The following NIM1K variants were observed in gnomAD, a reference collection of about 807,000 sequenced individuals.
NIM1K encodes NIM1 serine/threonine protein kinase, also known as serine/threonine-protein kinase NIM1.
A neutral mutation model predicts 37.1 loss-of-function variants in NIM1K; 35 were observed. That is an observed-to-expected ratio of 0.94 (90% CI 0.72 to 1.25). NIM1K has a LOEUF of 1.25. Ranked by LOEUF, NIM1K falls within the 50% of genes most tolerant of loss-of-function variation. The pLI, the probability that NIM1K is intolerant of heterozygous loss-of-function variation, is 0.00. For missense variants in NIM1K, 564 were observed against 548.0 expected, an observed-to-expected ratio of 1.03 and a Z score of -0.29; for synonymous variants, 234 against 206.6, an observed-to-expected ratio of 1.13 and a Z score of -1.14.
At chr5:43,197,862 G>A (rs946386746) in intron 1 of NIM1K, among the ~76,000 whole-genome samples, 4 of 152,182 alleles carry the variant, frequency 2.6e-5, no homozygotes, top group Non-Finnish European at 4.4e-5. Context: ...TGCCCCACTA[G>A]CTGTAGATTT....
At chr5:43,220,357 C>T (rs1752363851) in intron 1 of NIM1K, among the ~76,000 whole-genome samples, 1 of 149,022 alleles carries the variant, frequency 6.7e-6, no homozygotes, top group Admixed American at 6.7e-5. Context: ...ACCATCTCAG[C>T]ACACTGCAAC....
In NIM1K at chr5:43,230,440, C is replaced by A. The variant is rs762171700; in HGVS notation, c.-694-14642C>A. Among the ~76,000 whole-genome samples the A allele has an allele frequency of 2.6e-5, 4 of 151,960 alleles. No individual in the cohort carries two copies. In the South Asian group the frequency reaches 8.3e-4, roughly 32 times the overall value. ...TCACGTATGTCACTTGTGCTCACAG[C>A]CCATGACTGGAACTCAGATACATGG... On this transcript the variant is annotated intron_variant, in intron 1 of 3. Transcript: ENST00000326035.
chr5:43,277,278 G>T lies in NIM1K; in HGVS notation c.514G>T (p.Glu172Ter). The T allele has an allele frequency of 6.2e-7, 1 of 1,614,108 alleles. No homozygotes were observed. The highest frequency in any genetic ancestry group is 8.5e-7 in the Non-Finnish European group (1 of 1,179,998). ...CACTGAGGGGAAGCTCTCTGAACCA[G>T]AAAGCAAGCTCATCTTCTCCCAGAT... is the stretch of plus-strand genomic sequence containing the variant. ...ISTEGKLSEPESKLIFSQIVS... is the reference protein window; with the variant it reads ...ISTEGKLSEP Residue 172 changes from glutamate (E) to a stop codon, truncating the protein, a stop_gained, in exon 3 of 4, where the codon GAA becomes TAA. Transcript: ENST00000326035. LOFTEE classifies it high-confidence loss of function.
At chr5:43,217,403 G>A (rs772386586) in intron 1 of NIM1K, among the ~76,000 whole-genome samples, 1 of 147,332 alleles carries the variant, frequency 6.8e-6, no homozygotes, top group African/African-American at 2.5e-5. Context: ...CCACTTTTTG[G>A]CTACTATAAA....
At chr5:43,267,822 A>G (rs1753188018) in intron 2 of NIM1K, among the ~76,000 whole-genome samples, 1 of 152,188 alleles carries the variant, frequency 6.6e-6, no homozygotes, top group Non-Finnish European at 1.5e-5. Context: ...GATGCTTGAT[A>G]TGATTTTGAT....
intron 1 of NIM1K, among the ~76,000 whole-genome samples, chr5:43,239,578 GTA>G (rs1342600159): frequency 6.6e-6 from 1 of 151,926 alleles, no homozygotes; most frequent in Non-Finnish European, 1.5e-5. Context: ...CCAGGCTGGA[GTA>G]CAATGGCGCA....
intron 2 of NIM1K, among the ~76,000 whole-genome samples, chr5:43,274,697 C>T (rs969414835): frequency 4.6e-5 from 7 of 152,232 alleles, no homozygotes; most frequent in Non-Finnish European, 7.3e-5. Flanking sequence ...GCCCTCCCAC[C>T]GCTCAGTATT....
intron 1 of NIM1K, among the ~76,000 whole-genome samples, chr5:43,209,640 A>G (rs768461966): frequency 6.6e-6 from 1 of 151,744 alleles, no homozygotes; most frequent in Non-Finnish European, 1.5e-5. Flanking sequence ...TTTTTGAGAC[A>G]CAGAGTCTCG....
At chr5:43,192,889 T>C (rs937310118) in intron 1 of NIM1K, 1 of 152,186 alleles carries the variant, frequency 6.6e-6, no homozygotes, top group African/African-American at 2.4e-5. Flanking sequence ...GGAGCGTTTG[T>C]TACAAGGGCA....
At chr5:43,222,565 C>A (rs188921547) in intron 1 of NIM1K, among the ~76,000 whole-genome samples, 1 of 151,674 alleles carries the variant, frequency 6.6e-6, no homozygotes, top group Non-Finnish European at 1.5e-5. Context: ...CCCATCTATA[C>A]AAAAAATGAA....
At chr5:43,265,908 T>C (rs555055035) in intron 2 of NIM1K, among the ~76,000 whole-genome samples, 1 of 152,352 alleles carries the variant, frequency 6.6e-6, no homozygotes, top group South Asian at 2.1e-4. Context: ...CCTGTTTGCC[T>C]GGGTATCACC....
At chr5:43,219,550 A>T (rs923648497) in intron 1 of NIM1K, among the ~76,000 whole-genome samples, 2 of 152,002 alleles carry the variant, frequency 1.3e-5, no homozygotes, top group Non-Finnish European at 2.9e-5. Flanking sequence ...CTGGGGATCA[A>T]ATTTCAACAT....
intron 2 of NIM1K, among the ~76,000 whole-genome samples, chr5:43,269,763 C>T (rs1407579024): frequency 1.3e-5 from 2 of 151,810 alleles, no homozygotes; most frequent in African/African-American, 4.8e-5. Context: ...GGACTACAGA[C>T]ACCCGCCACT....
intron 1 of NIM1K, among the ~76,000 whole-genome samples, chr5:43,213,315 C>CTTTTCTTTTCTTTTCTTTTG (rs1398570043): frequency 8.8e-6 from 1 of 113,384 alleles, no homozygotes; most frequent in African/African-American, 3.2e-5. Context: ...CTTTTCTTTT[C>CTTTTCTTTTCTTTTCTTTTG]TTTTCTTTTC....
At chr5:43,269,063 C>G (rs2111556168) in intron 2 of NIM1K, among the ~76,000 whole-genome samples, 1 of 152,094 alleles carries the variant, frequency 6.6e-6, no homozygotes, top group African/African-American at 2.4e-5. Context: ...AATCCCAGCA[C>G]TTTGGGAGGC....
chr5:43,192,595 G>A (rs1751849522), intron 1 of NIM1K, among the ~76,000 whole-genome samples, 184 bp downstream of exon 1: 1 of 152,328 alleles, frequency 6.6e-6, no homozygotes, highest in Non-Finnish European at 1.5e-5. Flanking sequence ...GCTTTCTGGG[G>A]CGTACCCCCA....
chr5:43,220,342 G>A (rs572699939), intron 1 of NIM1K, among the ~76,000 whole-genome samples: 1 of 149,426 alleles, frequency 6.7e-6, no homozygotes, highest in South Asian at 2.1e-4. Flanking sequence ...CTATAGTGCG[G>A]TGGCACCATC....
intron 2 of NIM1K, among the ~76,000 whole-genome samples, chr5:43,272,925 C>G (rs1382267229): frequency 6.6e-6 from 1 of 152,150 alleles, no homozygotes; most frequent in Non-Finnish European, 1.5e-5. Flanking sequence ...CACTAACTCC[C>G]TGTTCCATAC....
At chr5:43,205,799 A>G (rs1396563291) in intron 1 of NIM1K, among the ~76,000 whole-genome samples, 3 of 151,762 alleles carry the variant, frequency 2.0e-5, no homozygotes, top group South Asian at 2.1e-4. Flanking sequence ...TGCAAGCTCC[A>G]CCTCCCGGGT....
Sources: allele counts gnomAD v4.1 joint callset (sites outside exome capture counted in the v4.1 genomes callset), GRCh38; gene constraint gnomAD v4.1.1; transcripts MANE v1.5; gene names NCBI Gene and HGNC (gene_info 2026-07-23, HGNC 2026-07-21).